The following MAP9 variants were observed in gnomAD, a reference collection of about 807,000 sequenced individuals.
MAP9 encodes microtubule-associated protein 9.
In MAP9, 80 loss-of-function variants were observed where a neutral mutation model predicts 75.2. The ratio of observed to expected loss-of-function variants is 1.06; its 90% CI spans 0.89 to 1.28. The LOEUF is 1.28. Among genes scored for constraint, MAP9 ranks in the 50% most tolerant of loss-of-function variants. The pLI is 0.00. For synonymous variants in MAP9, 235 were observed against 237.3 expected, an observed-to-expected ratio of 0.99 and a Z score of 0.09; for missense variants, 753 against 719.9, an observed-to-expected ratio of 1.05 and a Z score of -0.53.
At chr4:155,353,104 A>C in intron 11 of MAP9, 47 bp from the exon 12 acceptor site, 1 of 1,536,648 alleles carries the variant, frequency 6.5e-7, no homozygotes. Flanking sequence ...TTTGAAAATA[A>C]ATAAAAATAT....
intron 4 of MAP9, among the ~76,000 whole-genome samples, chr4:155,369,633 T>C (rs1256529760): frequency 6.6e-6 from 1 of 152,120 alleles, no homozygotes; most frequent in African/African-American, 2.4e-5. Flanking sequence ...TTGATTTTTC[T>C]AAACAAAATT....
At chr4:155,359,952 T>G (rs1192777153) in intron 7 of MAP9, among the ~76,000 whole-genome samples, 1 of 152,084 alleles carries the variant, frequency 6.6e-6, no homozygotes, top group Non-Finnish European at 1.5e-5. Context: ...CCTCTGATAA[T>G]TTTTAAACAC....
Position 155,346,848 on chromosome 4 carries a change from A to G in MAP9, c.*935T>C, listed in dbSNP as rs1447072663. The G allele has an allele frequency of 1.3e-5, 2 of 152,510 alleles. No homozygotes were observed. The highest frequency in any genetic ancestry group is 4.8e-5 in the African/African-American group (2 of 41,440). The allele number at this position is 152,510 out of a possible 1,614,324, so 9.4% of individuals were successfully genotyped here. On this transcript the variant is annotated 3_prime_UTR_variant, in exon 14 of 14. Coordinates refer to ENST00000311277, the MANE Select transcript of MAP9 (RefSeq NM_001039580.2). Reference sequence around the variant, plus strand: ...TACTACGAGGACATGCAGAGATCAAATAAATAAATAAATAAAGGCTTTGTG... The same window carrying G: ...TACTACGAGGACATGCAGAGATCAAGTAAATAAATAAATAAAGGCTTTGTG...
At chr4:155,360,548 T>A in intron 6 of MAP9, 133 bp from the exon 7 acceptor site, 1 of 875,340 alleles carries the variant, frequency 1.1e-6, no homozygotes, top group East Asian at 2.6e-5. Context: ...AGAAAAGTTA[T>A]CATATTAAAC....
chr4:155,352,261 C>CA (rs1731544378), intron 13 of MAP9: 1 of 230,028 alleles, frequency 4.3e-6, no homozygotes, highest in African/African-American at 2.4e-5. Flanking sequence ...GTAGTACCCT[C>CA]AATAGTAAAC....
At position 155,368,764 on chromosome 4, in the gene MAP9, C is replaced by T. The variant is rs775805737; in HGVS notation, c.530G>A (p.Arg177Gln). ...DTDDHFKPSP[R>Q]PRSMLKKKSH... ...TTTCTTTTTCAACATACTCCTTGGCCGAGGTGATGGTTTAAAGTGATCATC... is the reference window on the plus strand; with the variant it reads ...TTTCTTTTTCAACATACTCCTTGGCTGAGGTGATGGTTTAAAGTGATCATC... The change falls in exon 5 of 14, where the codon CGG (arginine) becomes CAG (glutamine). Residue 177 changes from arginine (R) to glutamine (Q), a missense_variant. Coordinates refer to ENST00000311277, the MANE Select transcript of MAP9 (RefSeq NM_001039580.2). 1.8e-5 allele frequency: 29 copies of T among 1,613,726 alleles called. No homozygotes were observed. The highest frequency in any genetic ancestry group is 2.3e-5 in the Non-Finnish European group (27 of 1,179,854).
In MAP9 at chr4:155,346,408, C is replaced by T. The variant is rs899781658; in HGVS notation, c.*1375G>A. 1 of 152,066 alleles carries T rather than the reference C, an allele frequency of 6.6e-6. No individual in the cohort carries two copies. Among genetic ancestry groups the T allele is most frequent in the Non-Finnish European group, 1.5e-5 (1 of 68,016 alleles). 9.4% of individuals were successfully genotyped at this position (152,066 alleles called of 1,614,324 possible). Reference sequence around the variant, plus strand: ...TCTAAAAGTTAAAACGTGTTTGTAACGTTGATATTATGCAGAGGTCTTGAC... The same window carrying T: ...TCTAAAAGTTAAAACGTGTTTGTAATGTTGATATTATGCAGAGGTCTTGAC... On this transcript the variant is annotated 3_prime_UTR_variant, in exon 14 of 14. Coordinates refer to ENST00000311277, the MANE Select transcript of MAP9 (RefSeq NM_001039580.2).
At position 155,360,292 on chromosome 4, in the gene MAP9, G is replaced by A. The variant is rs747697987; in HGVS notation, c.926C>T (p.Ala309Val). Residue 309 changes from alanine to valine, a missense_variant, in exon 7 of 14, where the codon GCT becomes GTT. By Grantham distance (64) the Ala-to-Val change is moderately conservative. Transcript: ENST00000311277. ...VEKSKESQVT[A>V]DDLEEEKAKA... The stretch of plus-strand genomic sequence containing the variant: ...TGCCTTTTCTTCTTCAAGGTCATCA[G>A]CAGTCACTTGACTTTCCTTGGATTT... 7.4e-6 allele frequency: 12 copies of A among 1,613,200 alleles called. No homozygotes were observed. The South Asian group carries it at 1.3e-4, about 18-fold the overall frequency.
At chr4:155,365,474 A>AAAG (rs1343448910) in intron 5 of MAP9, among the ~76,000 whole-genome samples, 2 of 152,142 alleles carry the variant, frequency 1.3e-5, no homozygotes, top group Non-Finnish European at 2.9e-5. Context: ...CAGTAAGGAT[A>AAAG]AAGAAGATCT....
At chr4:155,374,493 C>T (rs1732748525) in intron 3 of MAP9, among the ~76,000 whole-genome samples, 1 of 151,946 alleles carries the variant, frequency 6.6e-6, no homozygotes. Flanking sequence ...TTAAATTTAC[C>T]CCTTATCACA....
rs1468665594 is a variant in MAP9 at position 155,373,346 on chromosome 4, A to G, written c.271T>C (p.Phe91Leu). The G allele has an allele frequency of 6.2e-7, 1 of 1,612,898 alleles. No homozygotes were observed. The highest frequency in any genetic ancestry group is 8.5e-7 in the Non-Finnish European group (1 of 1,179,206). ...DEEKNPSKLL[F>L]LKTNKSNGNI... ...CCGTTTGATTTATTGGTTTTCAAAAACAATAGTTTTGAAGGATTCTTTTCT... is the reference window on the plus strand; with the variant it reads ...CCGTTTGATTTATTGGTTTTCAAAAGCAATAGTTTTGAAGGATTCTTTTCT... The change falls in exon 4 of 14, where the codon TTT becomes CTT. Residue 91 changes from phenylalanine to leucine, a missense_variant. Phe to Leu is a conservative substitution (Grantham distance 22). Transcript: ENST00000311277.
At chr4:155,356,526 T>C (rs548862164) in intron 8 of MAP9, among the ~76,000 whole-genome samples, 2 of 152,250 alleles carry the variant, frequency 1.3e-5, no homozygotes, top group Non-Finnish European at 2.9e-5. Context: ...GAAAAAACAA[T>C]ACAGTAGGTT....
At position 155,362,098 on chromosome 4, in the gene MAP9, ATTTG is replaced by A. The variant is rs1732108422; in HGVS notation, c.748_751del (p.Gln250PhefsTer30). The A allele has an allele frequency of 6.3e-7, 1 of 1,599,240 alleles. No individual in the cohort carries two copies. The highest frequency in any genetic ancestry group is 8.5e-7 in the Non-Finnish European group (1 of 1,175,528). On this transcript the variant is annotated frameshift_variant, in exon 6 of 14. Coordinates refer to ENST00000311277, the MANE Select transcript of MAP9 (RefSeq NM_001039580.2). LOFTEE classifies it high-confidence loss of function. ...TCCTGGTGAAAAAGAATCTCCAAGA[ATTTG>A]TTTAAGTGATGATGATGCTAGACTT... is the stretch of plus-strand genomic sequence containing the variant.
intron 7 of MAP9, among the ~76,000 whole-genome samples, chr4:155,358,260 G>T (rs1264452953): frequency 1.3e-5 from 2 of 152,100 alleles, no homozygotes; most frequent in Admixed American, 6.6e-5. Context: ...ATAAACTCCG[G>T]AATATCCTTT....
chr4:155,369,241 T>G (rs1400387251), intron 4 of MAP9, among the ~76,000 whole-genome samples: 1 of 151,532 alleles, frequency 6.6e-6, no homozygotes, highest in East Asian at 1.9e-4. Flanking sequence ...GAGGATTGCT[T>G]GAACCCAGGA....
intron 5 of MAP9, chr4:155,363,186 A>G (rs1407020849): frequency 6.6e-6 from 1 of 152,196 alleles, no homozygotes; most frequent in Non-Finnish European, 1.5e-5. Context: ...CTGTAAAAGC[A>G]TAGAAGCTAG....
At chr4:155,354,920 A>G (rs889492856) in intron 10 of MAP9, 151 bp downstream of exon 10, 8 of 445,984 alleles carry the variant, frequency 1.8e-5, no homozygotes, top group Non-Finnish European at 3.2e-5. Flanking sequence ...ACTAAAATGT[A>G]TAAAGTAAAA....
chr4:155,373,454 A>G lies in MAP9; in HGVS notation c.163T>C (p.Ser55Pro). 1.3e-6 allele frequency: 2 copies of G among 1,495,442 alleles called. No individual in the cohort carries two copies. The highest frequency in any genetic ancestry group is 8.8e-7 in the Non-Finnish European group (1 of 1,130,522). The allele number at this position is 1,495,442 out of a possible 1,614,324, so 92.6% of individuals were successfully genotyped here. A position where few individuals can be genotyped will look rare whatever the true frequency, so the allele number is the denominator to read the frequency against. The change falls in exon 4 of 14, where the codon TCT becomes CCT. Residue 55 changes from serine (S) to proline (P), a missense_variant and splice_region_variant. Ser to Pro is a moderately conservative substitution (Grantham distance 74, BLOSUM62 -1). Transcript: ENST00000311277. ...GAAGTGTCAGAAAAATCACCTAAAGAAACTGAAAAATGGAAAAGAAAAATG... is the reference window on the plus strand; with the variant it reads ...GAAGTGTCAGAAAAATCACCTAAAGGAACTGAAAAATGGAAAAGAAAAATG... ...SDDFDSDEIV[S>P]LGDFSDTSAD... is the part of the protein sequence containing the mutation.
intron 7 of MAP9, among the ~76,000 whole-genome samples, chr4:155,359,593 A>C (rs1223238543): frequency 6.6e-6 from 1 of 151,992 alleles, no homozygotes; most frequent in African/African-American, 2.4e-5. Context: ...AAAAAGAAAA[A>C]ACAAAGCAAC....
Sources: gnomAD v4.1 joint callset for allele counts (sites outside exome capture counted in the v4.1 genomes callset) on GRCh38, gnomAD v4.1.1 for gene constraint, MANE v1.5 for transcripts, NCBI Gene and HGNC (gene_info 2026-07-23, HGNC 2026-07-21) for gene names.